Variants in ADGRV1 observed in about 807,000 individuals in gnomAD.
ADGRV1 encodes adhesion G protein-coupled receptor V1.
In ADGRV1, 359 loss-of-function variants were observed where a neutral mutation model predicts 596.2. The ratio of observed to expected loss-of-function variants is 0.60; its 90% CI spans 0.55 to 0.66. The LOEUF (loss-of-function observed/expected upper bound fraction) is 0.66, where lower values mean the gene tolerates loss of function less well. Ranked by LOEUF, ADGRV1 falls within the 30% of genes least tolerant of loss-of-function variation. The pLI, the probability that ADGRV1 is intolerant of heterozygous loss-of-function variation, is 0.00. For missense variants in ADGRV1, 7,274 were observed against 7,575.6 expected (o/e 0.96, Z 1.48); for synonymous variants, 2,681 against 2,679.2 (o/e 1.00, Z -0.02).
intron 17 of ADGRV1, among the ~76,000 whole-genome samples, chr5:90,648,214 C>G (rs550152804): frequency 6.6e-6 from 1 of 152,202 alleles, no homozygotes; most frequent in African/African-American, 2.4e-5. Flanking sequence ...TTCTCTGGAG[C>G]CATGGCCAAA....
chr5:90,806,377 C>T (rs1761902880), intron 72 of ADGRV1, among the ~76,000 whole-genome samples: 1 of 152,198 alleles, frequency 6.6e-6, no homozygotes, highest in South Asian at 2.1e-4. Context: ...GATGTGATGT[C>T]TCAGACATTG....
At chr5:90,830,653 A>G (rs992940495) in intron 77 of ADGRV1, among the ~76,000 whole-genome samples, 4 of 152,190 alleles carry the variant, frequency 2.6e-5, no homozygotes, top group Non-Finnish European at 5.9e-5. Flanking sequence ...TCAGTAGTGT[A>G]TAACTCATAA....
chr5:90,674,335 T>C, intron 23 of ADGRV1, 101 bp downstream of exon 23: 1 of 772,488 alleles, frequency 1.3e-6, no homozygotes, highest in Non-Finnish European at 2.0e-6. Context: ...GGAAGTAGAA[T>C]GCCTTCAGAC....
intron 59 of ADGRV1, among the ~76,000 whole-genome samples, chr5:90,764,354 G>A (rs1209180705): frequency 6.6e-6 from 1 of 152,228 alleles, no homozygotes; most frequent in African/African-American, 2.4e-5. Context: ...AAGGCGGGGA[G>A]TTGGGCCCTG....
intron 77 of ADGRV1, among the ~76,000 whole-genome samples, chr5:90,831,934 C>T (rs898666263): frequency 6.6e-6 from 1 of 152,138 alleles, no homozygotes; most frequent in African/African-American, 2.4e-5. Context: ...CTTAATAGTA[C>T]TGCATTGTGT....
chr5:90,925,444 G>A (rs1046565969), intron 83 of ADGRV1, among the ~76,000 whole-genome samples: 3 of 152,110 alleles, frequency 2.0e-5, no homozygotes, highest in African/African-American at 7.2e-5. Context: ...TCTATTATTG[G>A]TGTATAAGAG....
At chr5:90,713,177 A>C (rs1228817783) in intron 42 of ADGRV1, among the ~76,000 whole-genome samples, 2 of 152,084 alleles carry the variant, frequency 1.3e-5, no homozygotes, top group Non-Finnish European at 1.5e-5. Flanking sequence ...TTTTAAAAAA[A>C]ATTTTAGTTT....
intron 59 of ADGRV1, among the ~76,000 whole-genome samples, chr5:90,767,439 GAA>G (rs1392977748): frequency 1.3e-5 from 2 of 151,904 alleles, no homozygotes; most frequent in Non-Finnish European, 2.9e-5. Context: ...TGACGAGAAG[GAA>G]ATAATTATTA....
intron 61 of ADGRV1, among the ~76,000 whole-genome samples, chr5:90,777,661 T>A (rs1017237157): frequency 6.6e-6 from 1 of 152,204 alleles, no homozygotes; most frequent in Non-Finnish European, 1.5e-5. Flanking sequence ...AACCTTCTGC[T>A]TTTAGTAATC....
intron 41 of ADGRV1, among the ~76,000 whole-genome samples, chr5:90,711,548 A>G (rs1749351856): frequency 6.6e-6 from 1 of 152,168 alleles, no homozygotes; most frequent in Non-Finnish European, 1.5e-5. Context: ...GTTATTCTGT[A>G]TGCATTAACT....
chr5:90,980,087 A>G (rs1430958608), intron 84 of ADGRV1, among the ~76,000 whole-genome samples: 1 of 152,128 alleles, frequency 6.6e-6, no homozygotes, highest in Admixed American at 6.6e-5. Context: ...TCAATTAGGT[A>G]CTCCCAAGTA....
intron 9 of ADGRV1, among the ~76,000 whole-genome samples, chr5:90,633,499 C>T (rs6861393): frequency 0.049 from 7,379 of 152,126 alleles, 578 homozygotes; most frequent in African/African-American, 0.17. Context: ...CTTGGTCATA[C>T]ATGACCAGTG....
chr5:90,724,048 G>A (rs1350090671), intron 45 of ADGRV1, among the ~76,000 whole-genome samples: 2 of 151,812 alleles, frequency 1.3e-5, no homozygotes, highest in African/African-American at 4.8e-5. Context: ...TGTATAAAAT[G>A]TAAGTGAAAA....
chr5:90,908,789 T>C (rs932523842), intron 83 of ADGRV1, among the ~76,000 whole-genome samples: 8 of 152,184 alleles, frequency 5.3e-5, no homozygotes, highest in Non-Finnish European at 1.0e-4. Context: ...CATGAATCCA[T>C]AGCTCTCCAG....
intron 70 of ADGRV1, chr5:90,791,978 T>A (rs1048849995): frequency 1.3e-5 from 2 of 152,346 alleles, no homozygotes; most frequent in African/African-American, 2.4e-5. Context: ...ACTTTTTTTT[T>A]AATTCCTCCC....
chr5:90,748,070 A>G (rs1754823673), intron 52 of ADGRV1, among the ~76,000 whole-genome samples: 1 of 152,212 alleles, frequency 6.6e-6, no homozygotes. Context: ...ACAGTAATAA[A>G]TGATGGAGCT....
intron 85 of ADGRV1, among the ~76,000 whole-genome samples, chr5:91,004,728 G>A (rs1293393562): frequency 1.3e-5 from 2 of 152,176 alleles, no homozygotes; most frequent in Non-Finnish European, 2.9e-5. Context: ...TAAAGCTAAA[G>A]AGAAATGCTG....
chr5:90,584,852 A>G (rs993970398), intron 1 of ADGRV1, among the ~76,000 whole-genome samples: 1 of 152,228 alleles, frequency 6.6e-6, no homozygotes, highest in African/African-American at 2.4e-5. Context: ...CACGTTTAAG[A>G]AGAGGGGATA....
intron 85 of ADGRV1, among the ~76,000 whole-genome samples, chr5:91,021,649 A>G (rs558476114): frequency 1.3e-5 from 2 of 152,216 alleles, no homozygotes; most frequent in South Asian, 4.1e-4. Context: ...AGGAAGTGCA[A>G]ATAGAGGTAT....
Sources: gnomAD v4.1 joint callset for allele counts (sites outside exome capture counted in the v4.1 genomes callset) on GRCh38, gnomAD v4.1.1 for gene constraint, MANE v1.5 for transcripts, NCBI Gene and HGNC (gene_info 2026-07-23, HGNC 2026-07-21) for gene names.